Variants in DCC observed in about 807,000 individuals in gnomAD.
The protein encoded by DCC is netrin receptor DCC.
Under a neutral mutation model 172.5 loss-of-function variants are expected in DCC, and 58 were observed. The observed-to-expected ratio is 0.34, with a 90% CI of 0.27 to 0.42. The LOEUF (loss-of-function observed/expected upper bound fraction) is 0.42, where lower values mean the gene tolerates loss of function less well. Among genes scored for constraint, DCC ranks in the 10% least tolerant of loss-of-function variants. The pLI is 1.00. For missense variants in DCC, 1,740 were observed against 1,791.0 expected, an observed-to-expected ratio of 0.97 and a Z score of 0.51; for synonymous variants, 709 against 644.5, an observed-to-expected ratio of 1.10 and a Z score of -1.52.
At chr18:53,283,184 C>T (rs2056893638) in intron 12 of DCC, among the ~76,000 whole-genome samples, 1 of 152,078 alleles carries the variant, frequency 6.6e-6, no homozygotes, top group South Asian at 2.1e-4. Context: ...AAAAGAATAG[C>T]ATTCAGCCAT....
intron 9 of DCC, among the ~76,000 whole-genome samples, chr18:53,188,204 C>T (rs2055313788): frequency 6.6e-6 from 1 of 152,076 alleles, no homozygotes; most frequent in Admixed American, 6.5e-5. Context: ...ACCTGGGGAC[C>T]AGAGCTTTTA....
intron 1 of DCC, among the ~76,000 whole-genome samples, chr18:52,498,705 A>C (rs2030898895): frequency 6.6e-6 from 1 of 152,130 alleles, no homozygotes; most frequent in South Asian, 2.1e-4. Context: ...AGTAAGTCTC[A>C]TATTCAGGTG....
In DCC at chr18:53,441,924, C is replaced by T. The variant is rs569242763; in HGVS notation, c.3229+6715C>T. On this transcript the variant is annotated intron_variant, in intron 22 of 28. Coordinates refer to ENST00000442544, the MANE Select transcript of DCC (RefSeq NM_005215.4). ...AACTGGGTCCTCTTTCTCTGTGTAG[C>T]CTCCTCTTATGCCATTATCCCTTTT... Among the ~76,000 whole-genome samples the T allele has an allele frequency of 3.3e-5, 5 of 152,272 alleles. No individual in the cohort carries two copies. The South Asian group carries it at 8.3e-4, about 25-fold the overall frequency.
chr18:53,486,760 A>T lies in DCC; in HGVS notation c.3737-37A>T, dbSNP rs376302770. 368 of 1,614,082 alleles carry T rather than the reference A, an allele frequency of 2.3e-4. 3 individuals carry two copies. In the African/African-American group the frequency reaches 4.1e-3, roughly 18 times the overall value. ...TTTTTTGCTTGTTGAGTGAATACAT[A>T]AGGTTCAAAAAACCCATTAACCTTT... On this transcript the variant is annotated intron_variant, in intron 25 of 28. Coordinates refer to ENST00000442544, the MANE Select transcript of DCC (RefSeq NM_005215.4).
At chr18:52,946,143 A>G (rs2040541126) in intron 5 of DCC, among the ~76,000 whole-genome samples, 1 of 151,868 alleles carries the variant, frequency 6.6e-6, no homozygotes, top group African/African-American at 2.4e-5. Flanking sequence ...CAACTTTTAA[A>G]CTCTGTGTCC....
chr18:53,427,310 G>A (rs1227673385), intron 21 of DCC, among the ~76,000 whole-genome samples: 3 of 152,028 alleles, frequency 2.0e-5, no homozygotes, highest in African/African-American at 7.2e-5. Flanking sequence ...TATACTAGAG[G>A]CAAGTGTGCA....
chr18:53,034,510 A>T (rs2042066203), intron 5 of DCC, among the ~76,000 whole-genome samples: 1 of 152,084 alleles, frequency 6.6e-6, no homozygotes, highest in South Asian at 2.1e-4. Context: ...AAATATAATC[A>T]AAATACAGAA....
chr18:53,034,263 T>A (rs1198670644), intron 5 of DCC, among the ~76,000 whole-genome samples: 1 of 152,078 alleles, frequency 6.6e-6, no homozygotes, highest in African/African-American at 2.4e-5. Context: ...ATTCATACAT[T>A]CATGTATGTT....
At chr18:52,921,342 TAAATA>T (rs1008247567) in intron 3 of DCC, among the ~76,000 whole-genome samples, 1 of 151,762 alleles carries the variant, frequency 6.6e-6, no homozygotes, top group Non-Finnish European at 1.5e-5. Context: ...TAAAAAATTT[TAAATA>T]AAATATTAAA....
At chr18:53,211,815 A>T (rs2055757893) in intron 11 of DCC, among the ~76,000 whole-genome samples, 1 of 152,162 alleles carries the variant, frequency 6.6e-6, no homozygotes. Context: ...TGGGAAGCTG[A>T]GGTGGGTAGA....
intron 27 of DCC, among the ~76,000 whole-genome samples, chr18:53,512,070 G>T (rs1202756056): frequency 6.6e-6 from 1 of 152,164 alleles, no homozygotes; most frequent in East Asian, 1.9e-4. Context: ...CTGTCTGACA[G>T]CTTTGAAGAG....
chr18:53,288,287 A>T (rs997793083), intron 12 of DCC, among the ~76,000 whole-genome samples: 1 of 152,144 alleles, frequency 6.6e-6, no homozygotes, highest in Non-Finnish European at 1.5e-5. Context: ...TAGAAATTTT[A>T]TCTATTGTTA....
chr18:53,334,291 ATCT>A (rs1241209859), intron 14 of DCC, among the ~76,000 whole-genome samples: 17 of 152,202 alleles, frequency 1.1e-4, no homozygotes, highest in African/African-American at 2.2e-4. Flanking sequence ...ACCATTTAAG[ATCT>A]TCTCCTTCTA....
At chr18:52,714,579 G>C (rs972144224) in intron 1 of DCC, among the ~76,000 whole-genome samples, 1 of 152,166 alleles carries the variant, frequency 6.6e-6, no homozygotes, top group Non-Finnish European at 1.5e-5. Context: ...ATGAGTGAGT[G>C]AGTTGAGAGG....
chr18:53,092,497 CA>C (rs1255813694), intron 7 of DCC, among the ~76,000 whole-genome samples: 6 of 152,152 alleles, frequency 3.9e-5, no homozygotes, highest in African/African-American at 1.4e-4. Context: ...AAATATATAT[CA>C]TAACATATGT....
At chr18:52,485,238 C>T (rs1445456163) in intron 1 of DCC, among the ~76,000 whole-genome samples, 1 of 152,032 alleles carries the variant, frequency 6.6e-6, no homozygotes, top group Non-Finnish European at 1.5e-5. Context: ...CCAGGAGGTC[C>T]CACACTGAAG....
At chr18:52,717,786 T>C (rs2036409649) in intron 1 of DCC, among the ~76,000 whole-genome samples, 1 of 152,208 alleles carries the variant, frequency 6.6e-6, no homozygotes, top group South Asian at 2.1e-4. Flanking sequence ...TGAGATGATG[T>C]AAATGGTTGC....
intron 7 of DCC, among the ~76,000 whole-genome samples, chr18:53,145,128 T>TTTA (rs2043888511): frequency 2.8e-5 from 4 of 142,610 alleles, no homozygotes; most frequent in Non-Finnish European, 6.1e-5. Flanking sequence ...TTTTTTTTTT[T>TTTA]TTTTGAGACC....
intron 2 of DCC, among the ~76,000 whole-genome samples, chr18:52,788,352 T>G (rs2145199874): frequency 6.6e-6 from 1 of 152,270 alleles, no homozygotes; most frequent in African/African-American, 2.4e-5. Flanking sequence ...ATGTATCAGG[T>G]GTGGAGCCTA....
Sources: allele counts gnomAD v4.1 joint callset (sites outside exome capture counted in the v4.1 genomes callset), GRCh38; gene constraint gnomAD v4.1.1; transcripts MANE v1.5; gene names NCBI Gene and HGNC (gene_info 2026-07-23, HGNC 2026-07-21).